Variants in MAP3K19 observed in about 807,000 individuals in gnomAD.
The protein encoded by MAP3K19 is SPS1/STE20-related protein kinase YSK4.
In MAP3K19, 91 loss-of-function variants were observed where a neutral mutation model predicts 114.4. The ratio of observed to expected loss-of-function variants is 0.80; its 90% CI spans 0.67 to 0.95. MAP3K19 has a LOEUF of 0.95. Among genes scored for constraint, MAP3K19 ranks in the 40% least tolerant of loss-of-function variants. The pLI is 0.00. For synonymous variants in MAP3K19, 518 were observed against 530.5 expected (o/e 0.98, Z 0.32); for missense variants, 1,471 against 1,573.2 (o/e 0.94, Z 1.10).
intron 5 of MAP3K19, 106 bp downstream of exon 5, chr2:135,021,609 T>C: frequency 1.6e-6 from 1 of 627,074 alleles, no homozygotes; most frequent in South Asian, 2.3e-5. Flanking sequence ...TGATTACACT[T>C]AAAAATAAAA....
In MAP3K19 at chr2:134,981,458, T is replaced by C; in HGVS notation, c.3283A>G (p.Thr1095Ala). Residue 1095 changes from threonine to alanine, a missense_variant, in exon 12 of 13, where the codon ACC (threonine) becomes GCC (alanine). Coordinates refer to ENST00000392915, the MANE Select transcript of MAP3K19 (RefSeq NM_025052.5). ...TTTTCAGCAGCTAATTTATTAGAGGTATCCAAAGCCACCTGTTTTACAGCT... is the reference window on the plus strand; with the variant it reads ...TTTTCAGCAGCTAATTTATTAGAGGCATCCAAAGCCACCTGTTTTACAGCT... ...LIAVKQVALD[T>A]SNKLAAEKEY... The C allele has an allele frequency of 6.2e-7, 1 of 1,614,234 alleles. No homozygotes were observed.
chr2:134,995,343 G>A (rs966861070), intron 8 of MAP3K19, among the ~76,000 whole-genome samples: 2 of 150,274 alleles, frequency 1.3e-5, no homozygotes, highest in Admixed American at 6.6e-5. Flanking sequence ...AGTAAGGAAA[G>A]GAAGATTAAG....
intron 2 of MAP3K19, among the ~76,000 whole-genome samples, chr2:135,031,515 AC>A (rs1045598776): frequency 4.6e-5 from 7 of 152,222 alleles, no homozygotes; most frequent in Admixed American, 2.0e-4. Context: ...GTCCTGAAAG[AC>A]CTGACAAACC....
intron 2 of MAP3K19, among the ~76,000 whole-genome samples, chr2:135,033,774 C>T (rs1445281248): frequency 2.5e-5 from 2 of 80,256 alleles, no homozygotes; most frequent in South Asian, 6.2e-4. Context: ...TAGGGGTGGC[C>T]GGGCAGAGGC....
intron 5 of MAP3K19, among the ~76,000 whole-genome samples, chr2:135,020,254 G>A (rs1377175964): frequency 6.6e-6 from 1 of 152,056 alleles, no homozygotes; most frequent in Non-Finnish European, 1.5e-5. Context: ...CCTGACCTCA[G>A]GCGATCCACC....
intron 5 of MAP3K19, among the ~76,000 whole-genome samples, chr2:135,009,589 A>T (rs955128471): frequency 2.6e-5 from 4 of 152,146 alleles, no homozygotes; most frequent in Non-Finnish European, 5.9e-5. Context: ...TTCCATGTTG[A>T]TTACTGGGCT....
chr2:134,997,341 G>A (rs1686071653), intron 8 of MAP3K19, among the ~76,000 whole-genome samples: 1 of 152,136 alleles, frequency 6.6e-6, no homozygotes, highest in Non-Finnish European at 1.5e-5. Flanking sequence ...TTGGGAGAGT[G>A]GGAAATATAG....
intron 5 of MAP3K19, among the ~76,000 whole-genome samples, chr2:135,021,311 G>A (rs1233469618): frequency 2.0e-5 from 3 of 152,148 alleles, no homozygotes; most frequent in Non-Finnish European, 4.4e-5. Flanking sequence ...GCATATGAGA[G>A]GTTGGCAATC....
chr2:134,988,770 GATT>G, intron 9 of MAP3K19, among the ~76,000 whole-genome samples: 1 of 151,930 alleles, frequency 6.6e-6, no homozygotes. Context: ...TTAAAACCAG[GATT>G]ATTATAGATG....
At chr2:135,036,332 C>T (rs1481807870) in intron 2 of MAP3K19, among the ~76,000 whole-genome samples, 8 of 152,050 alleles carry the variant, frequency 5.3e-5, no homozygotes, top group African/African-American at 1.4e-4. Context: ...TTCTTGTTTC[C>T]TTATTTGTTG....
Position 134,986,866 on chromosome 2 carries a change from G to A in MAP3K19, c.2006C>T (p.Pro669Leu), listed in dbSNP as rs1413337582. ...GPGIYEMFGT[P>L]VYCHVRETER... The stretch of plus-strand genomic sequence containing the variant: ...AGTCTCTCGCACATGACAATAAACA[G>A]GGGTCCCAAACATTTCATAGATTCC... Residue 669 changes from proline (P) to leucine (L), a missense_variant, in exon 10 of 13, where the codon CCT becomes CTT. Pro to Leu is a moderately conservative substitution (Grantham distance 98). Transcript: ENST00000392915. The A allele has an allele frequency of 1.9e-6, 3 of 1,614,138 alleles. No individual in the cohort carries two copies. Among genetic ancestry groups the A allele is most frequent in the Non-Finnish European group, 2.5e-6 (3 of 1,180,022 alleles).
chr2:134,981,948 T>C (rs1419648940), intron 11 of MAP3K19, among the ~76,000 whole-genome samples: 3 of 139,298 alleles, frequency 2.2e-5, no homozygotes, highest in African/African-American at 8.0e-5. Flanking sequence ...CTGGAGTGCA[T>C]TGGCACAATC....
In MAP3K19 at chr2:134,987,272, G is replaced by T; in HGVS notation, c.1600C>A (p.His534Asn). The change falls in exon 10 of 13, where the codon CAT becomes AAT. Residue 534 changes from histidine to asparagine, a missense_variant. Coordinates refer to ENST00000392915, the MANE Select transcript of MAP3K19 (RefSeq NM_025052.5). ...QENDKHKMNS[H>N]RSKLDSKTKT... ...GTCTTTGAATCCAACTTACTCCTATGGGAATTCATCTTATGCTTGTCATTT... is the reference window on the plus strand; with the variant it reads ...GTCTTTGAATCCAACTTACTCCTATTGGAATTCATCTTATGCTTGTCATTT... 1 of 1,614,052 alleles carries T rather than the reference G, an allele frequency of 6.2e-7. No individual in the cohort carries two copies. The highest frequency in any genetic ancestry group is 8.5e-7 in the Non-Finnish European group (1 of 1,180,036).
chr2:135,001,578 T>A (rs1490079199), intron 6 of MAP3K19, among the ~76,000 whole-genome samples: 1 of 152,224 alleles, frequency 6.6e-6, no homozygotes, highest in African/African-American at 2.4e-5. Flanking sequence ...TTTGTAGTTA[T>A]CCTTGAGTGC....
intron 8 of MAP3K19, among the ~76,000 whole-genome samples, chr2:134,997,550 G>A (rs751649291): frequency 2.0e-5 from 3 of 152,154 alleles, no homozygotes; most frequent in Admixed American, 6.5e-5. Context: ...GCCAGGCGCA[G>A]TGGCTCACAC....
chr2:134,981,885 T>C (rs933979150), intron 11 of MAP3K19, among the ~76,000 whole-genome samples: 20 of 137,570 alleles, frequency 1.5e-4, no homozygotes, highest in East Asian at 5.0e-4. Flanking sequence ...CTTTTCTTTT[T>C]TTTTTTTTTT....
chr2:135,019,916 G>C (rs1687854453), intron 5 of MAP3K19, among the ~76,000 whole-genome samples: 1 of 152,176 alleles, frequency 6.6e-6, no homozygotes, highest in African/African-American at 2.4e-5. Flanking sequence ...TTTTTGTAAA[G>C]TCATTCATCA....
chr2:135,041,938 A>G (rs143889328), intron 1 of MAP3K19, among the ~76,000 whole-genome samples: 4 of 152,302 alleles, frequency 2.6e-5, no homozygotes, highest in Non-Finnish European at 5.9e-5. Flanking sequence ...AACACAGAGA[A>G]CATGTGTTCT....
Position 134,981,500 on chromosome 2 carries a change from T to C in MAP3K19, c.3241A>G (p.Ser1081Gly). ...TTTACAGCTATTAGCTGTCCTTGACTAGTGAGACCACAGTATACCTAGAAG... is the reference window on the plus strand; with the variant it reads ...TTTACAGCTATTAGCTGTCCTTGACCAGTGAGACCACAGTATACCTAGAAG... ...AYGTVYCGLT[S>G]QGQLIAVKQV... Residue 1081 changes from serine to glycine, a missense_variant, in exon 12 of 13, where the codon AGT (serine) becomes GGT (glycine). Coordinates refer to ENST00000392915, the MANE Select transcript of MAP3K19 (RefSeq NM_025052.5). 3.7e-6 allele frequency: 6 copies of C among 1,613,100 alleles called. No homozygotes were observed. The highest frequency in any genetic ancestry group is 5.1e-6 in the Non-Finnish European group (6 of 1,179,278).
Sources: allele counts gnomAD v4.1 joint callset (sites outside exome capture counted in the v4.1 genomes callset), GRCh38; gene constraint gnomAD v4.1.1; transcripts MANE v1.5; gene names NCBI Gene and HGNC (gene_info 2026-07-23, HGNC 2026-07-21).